Variants in MIGA1 observed in about 807,000 individuals in gnomAD.
MIGA1 encodes mitoguardin 1.
MIGA1 carries 58 observed loss-of-function variants against 82.0 expected under a neutral mutation model. The observed-to-expected ratio is 0.71, with a 90% confidence interval of 0.57 to 0.88. The LOEUF is 0.88. Among genes scored for constraint, MIGA1 ranks in the 40% least tolerant of loss-of-function variants. The pLI is 0.00. For missense variants in MIGA1, 751 were observed against 749.1 expected, an observed-to-expected ratio of 1.00 and a Z score of -0.03; for synonymous variants, 249 against 253.6, an observed-to-expected ratio of 0.98 and a Z score of 0.17.
In MIGA1 at chr1:77,866,392, G is replaced by A. The variant is rs565788203; in HGVS notation, c.1563+1G>A. 1 of 1,613,734 alleles carries A rather than the reference G, an allele frequency of 6.2e-7. No individual in the cohort carries two copies. The highest frequency in any genetic ancestry group is 8.5e-7 in the Non-Finnish European group (1 of 1,179,698). ...GAAACAGAAAAGACAACAGATGAAG[G>A]TAAAATTCGTTATGTCCTGAATTCC... is the stretch of plus-strand genomic sequence containing the variant. On this transcript the variant is annotated splice_donor_variant, in intron 14 of 15. Transcript: ENST00000370791. LOFTEE classifies it high-confidence loss of function.
chr1:77,877,484 T>G lies in MIGA1; in HGVS notation c.*2420T>G, dbSNP rs1430989534. The G allele has an allele frequency of 6.6e-6, 1 of 152,280 alleles. No individual in the cohort carries two copies. The highest frequency in any genetic ancestry group is 6.5e-5 in the Admixed American group (1 of 15,278). 9.4% of individuals were successfully genotyped at this position (152,280 alleles called of 1,614,324 possible). Reference sequence around the variant, plus strand: ...AGTACCAAAACTAAAAATTCCATTATGTACTGTTTACTTTTTATTTAATAT... The same window carrying G: ...AGTACCAAAACTAAAAATTCCATTAGGTACTGTTTACTTTTTATTTAATAT... On this transcript the variant is annotated 3_prime_UTR_variant, in exon 16 of 16. Coordinates refer to ENST00000370791, the MANE Select transcript of MIGA1 (RefSeq NM_198549.4).
intron 7 of MIGA1, among the ~76,000 whole-genome samples, chr1:77,829,881 CCCCCCCA>C (rs1684179178): frequency 8.1e-6 from 1 of 124,142 alleles, no homozygotes; most frequent in Admixed American, 8.7e-5. Context: ...ATTTGCAAAG[CCCCCCCA>C]CCCCCCACCG....
At chr1:77,808,589 T>A (rs1324767842) in intron 5 of MIGA1, among the ~76,000 whole-genome samples, 1 of 152,254 alleles carries the variant, frequency 6.6e-6, no homozygotes, top group Non-Finnish European at 1.5e-5. Flanking sequence ...GGAGCCTCAC[T>A]GGAGCCCTGA....
intron 5 of MIGA1, chr1:77,811,256 T>C: frequency 6.3e-7 from 1 of 1,581,034 alleles, no homozygotes; most frequent in East Asian, 2.2e-5. Flanking sequence ...TTCAAACCAA[T>C]TTTCGCAATT....
At chr1:77,869,697 G>T (rs1685838719) in intron 14 of MIGA1, among the ~76,000 whole-genome samples, 3 of 118,172 alleles carry the variant, frequency 2.5e-5, no homozygotes, top group Admixed American at 2.3e-4. Flanking sequence ...TGGGCGGGGG[G>T]CTGACCCCCC....
chr1:77,822,614 G>A (rs1325372395), intron 7 of MIGA1, among the ~76,000 whole-genome samples: 2 of 152,108 alleles, frequency 1.3e-5, no homozygotes, highest in African/African-American at 4.8e-5. Flanking sequence ...TTCATAGCTG[G>A]TTCTATACTC....
intron 2 of MIGA1, among the ~76,000 whole-genome samples, chr1:77,791,259 A>AAC (rs1557895299): frequency 2.0e-5 from 3 of 150,612 alleles, no homozygotes; most frequent in East Asian, 1.9e-4. Context: ...AAAAAAAAAA[A>AAC]AAAAAACAAA....
intron 8 of MIGA1, among the ~76,000 whole-genome samples, chr1:77,852,687 A>T (rs1316290753): frequency 6.6e-6 from 1 of 152,024 alleles, no homozygotes; most frequent in African/African-American, 2.4e-5. Context: ...AATGTGGATT[A>T]TTTATTTATT....
chr1:77,829,746 C>A (rs1476560212), intron 7 of MIGA1, among the ~76,000 whole-genome samples: 6 of 152,174 alleles, frequency 3.9e-5, no homozygotes, highest in Non-Finnish European at 7.3e-5. Flanking sequence ...CCTGAGATTA[C>A]AGGCGTGACC....
chr1:77,858,102 T>G (rs1303425601), intron 8 of MIGA1, among the ~76,000 whole-genome samples: 1 of 151,990 alleles, frequency 6.6e-6, no homozygotes, highest in East Asian at 1.9e-4. Flanking sequence ...TGAATGCCAG[T>G]ACTTTGGGAG....
intron 14 of MIGA1, among the ~76,000 whole-genome samples, chr1:77,872,175 C>T (rs1646849105): frequency 1.3e-5 from 2 of 151,786 alleles, no homozygotes; most frequent in African/African-American, 4.8e-5. Flanking sequence ...ACCATGTTGC[C>T]CAGGCTGGTC....
chr1:77,802,313 G>T (rs1341465035), intron 3 of MIGA1, among the ~76,000 whole-genome samples: 5 of 152,110 alleles, frequency 3.3e-5, no homozygotes, highest in Non-Finnish European at 7.3e-5. Flanking sequence ...TATATTCAGT[G>T]CTTTATTTAA....
chr1:77,847,485 C>T (rs1684888042), intron 8 of MIGA1: 2 of 1,417,068 alleles, frequency 1.4e-6, no homozygotes, highest in South Asian at 2.3e-5. Flanking sequence ...AAAGAAAATA[C>T]AGAGAGAACG....
chr1:77,869,821 G>A (rs1344417778), intron 14 of MIGA1, among the ~76,000 whole-genome samples: 11 of 104,816 alleles, frequency 1.0e-4, no homozygotes, highest in East Asian at 6.7e-4. Flanking sequence ...GCCGGGCAGA[G>A]GCGCCCCTCA....
intron 3 of MIGA1, 112 bp downstream of exon 3, chr1:77,801,620 C>A: frequency 4.9e-6 from 4 of 822,644 alleles, no homozygotes; most frequent in East Asian, 3.3e-5. Flanking sequence ...TTATTTAACT[C>A]AAAAGTAGTA....
At chr1:77,810,785 A>G in intron 5 of MIGA1, 2 of 1,481,238 alleles carry the variant, frequency 1.4e-6, no homozygotes, top group Non-Finnish European at 1.8e-6. Flanking sequence ...TTGAAGGGTG[A>G]ATATGCTACA....
At chr1:77,794,935 G>C (rs1682587848) in intron 2 of MIGA1, among the ~76,000 whole-genome samples, 2 of 151,944 alleles carry the variant, frequency 1.3e-5, no homozygotes, top group Admixed American at 1.3e-4. Flanking sequence ...TCTTACTTTA[G>C]TACTTATTTC....
chr1:77,875,069 C>T lies in MIGA1; in HGVS notation c.*5C>T, dbSNP rs775407015. 1 of 1,588,840 alleles carries T rather than the reference C, an allele frequency of 6.3e-7. No homozygotes were observed. The highest frequency in any genetic ancestry group is 1.7e-5 in the Admixed American group (1 of 59,688). On this transcript the variant is annotated 3_prime_UTR_variant, in exon 16 of 16. Coordinates refer to ENST00000370791, the MANE Select transcript of MIGA1 (RefSeq NM_198549.4). ...CTGGAAGCCAAAGTACAATAAGTAC[C>T]ATAAGAATCATACAATTTGAGTGTG...
chr1:77,806,096 C>T (rs986103236), intron 4 of MIGA1, among the ~76,000 whole-genome samples: 3 of 151,986 alleles, frequency 2.0e-5, no homozygotes, highest in Non-Finnish European at 4.4e-5. Context: ...CAAATACCAC[C>T]CTAATTAATT....
Sources: gnomAD v4.1 joint callset for allele counts (sites outside exome capture counted in the v4.1 genomes callset) on GRCh38, gnomAD v4.1.1 for gene constraint, MANE v1.5 for transcripts, NCBI Gene and HGNC (gene_info 2026-07-23, HGNC 2026-07-21) for gene names.